Variants in TNRC6B observed in about 807,000 individuals in gnomAD.
TNRC6B encodes trinucleotide repeat-containing gene 6B protein.
Under a neutral mutation model 203.6 loss-of-function variants are expected in TNRC6B, and 52 were observed. The observed-to-expected ratio is 0.26, with a 90% CI of 0.20 to 0.32. TNRC6B has a LOEUF of 0.32. Ranked by LOEUF, TNRC6B falls within the 10% of genes least tolerant of loss-of-function variation. The probability of loss-of-function intolerance (pLI) is 1.00; values close to 1 mark genes in which losing one functional copy is unlikely to be tolerated. For synonymous variants in TNRC6B, 838 were observed against 845.7 expected, an observed-to-expected ratio of 0.99 and a Z score of 0.16; for missense variants, 1,923 against 2,286.2, an observed-to-expected ratio of 0.84 and a Z score of 3.24.
chr22:40,188,422 T>C (rs1205242061), intron 1 of TNRC6B, among the ~76,000 whole-genome samples: 1 of 152,206 alleles, frequency 6.6e-6, no homozygotes. Context: ...GTATGACTTC[T>C]TACATTTTTG....
At chr22:40,297,074 A>G (rs2070954262) in intron 12 of TNRC6B, among the ~76,000 whole-genome samples, 1 of 152,268 alleles carries the variant, frequency 6.6e-6, no homozygotes, top group African/African-American at 2.4e-5. Flanking sequence ...ATCAATAATC[A>G]TAGTTTGCTA....
chr22:40,126,615 G>T (rs2068496463), intron 3 of TNRC6B, among the ~76,000 whole-genome samples: 1 of 109,572 alleles, frequency 9.1e-6, no homozygotes, highest in African/African-American at 4.0e-5. Flanking sequence ...TTTTTAGACT[G>T]GGCCTGGCTC....
chr22:40,279,977 G>A lies in TNRC6B; in HGVS notation c.3263-18G>A, dbSNP rs762732348. On this transcript the variant is annotated intron_variant, in intron 9 of 22. Coordinates refer to ENST00000454349, the MANE Select transcript of TNRC6B (RefSeq NM_001162501.2). ...CATTGATTCTGGAAATTTTCACTCT[G>A]TGTATGCTACTTTTCAGGAAGCCTT... 1.2e-6 allele frequency: 2 copies of A among 1,613,372 alleles called. No individual in the cohort carries two copies. The highest frequency in any genetic ancestry group is 1.3e-5 in the African/African-American group (1 of 74,852).
chr22:40,321,678 G>C (rs926139791), intron 22 of TNRC6B: 15 of 160,450 alleles, frequency 9.3e-5, no homozygotes, highest in Admixed American at 6.0e-5. Context: ...CCCAGCTACT[G>C]GGAAGGTTGA....
chr22:40,103,517 G>A (rs571172688), intron 1 of TNRC6B, among the ~76,000 whole-genome samples: 1 of 152,086 alleles, frequency 6.6e-6, no homozygotes, highest in Non-Finnish European at 1.5e-5. Flanking sequence ...CATTTTTATT[G>A]GTGAGTAGTT....
chr22:40,056,115 T>C (rs9623117), intron 1 of TNRC6B, among the ~76,000 whole-genome samples: 55,958 of 152,086 alleles, frequency 0.37, 15,089 homozygotes, highest in African/African-American at 0.77. Flanking sequence ...TTAAGTAGTG[T>C]CTCCTTTCCC....
At chr22:40,238,873 G>A (rs903499536) in intron 1 of TNRC6B, among the ~76,000 whole-genome samples, 7 of 152,192 alleles carry the variant, frequency 4.6e-5, no homozygotes, top group South Asian at 2.1e-4. Context: ...GCCAAAGCTC[G>A]GTTTTGTTTC....
chr22:40,311,517 G>C (rs1280405414), intron 17 of TNRC6B, among the ~76,000 whole-genome samples: 1 of 151,672 alleles, frequency 6.6e-6, no homozygotes, highest in African/African-American at 2.4e-5. Flanking sequence ...ACATGAATAT[G>C]TATAGTTTCG....
At chr22:40,241,273 C>G (rs963646762) in intron 1 of TNRC6B, among the ~76,000 whole-genome samples, 1 of 152,126 alleles carries the variant, frequency 6.6e-6, no homozygotes, top group Non-Finnish European at 1.5e-5. Context: ...TAGTCTGTTT[C>G]TAACAAAAAG....
chr22:40,237,097 G>T (rs1022380100), intron 1 of TNRC6B, among the ~76,000 whole-genome samples: 1 of 152,108 alleles, frequency 6.6e-6, no homozygotes, highest in African/African-American at 2.4e-5. Flanking sequence ...CCTGGGAGGC[G>T]GAGGCTGCAG....
chr22:40,136,371 TTGTG>T (rs56246561), intron 3 of TNRC6B, among the ~76,000 whole-genome samples: 189 of 141,164 alleles, frequency 1.3e-3, no homozygotes, highest in African/African-American at 3.8e-3. Context: ...TATGTTTATC[TTGTG>T]TGTGTGTGTG....
intron 4 of TNRC6B, among the ~76,000 whole-genome samples, chr22:40,169,332 A>G (rs1354222010): frequency 6.6e-6 from 1 of 151,794 alleles, no homozygotes; most frequent in Non-Finnish European, 1.5e-5. Context: ...GGGTTTCACC[A>G]TGTTGACCAG....
At chr22:40,302,665 A>C (rs1047672345) in intron 15 of TNRC6B, among the ~76,000 whole-genome samples, 19 of 151,468 alleles carry the variant, frequency 1.3e-4, no homozygotes, top group Non-Finnish European at 4.4e-5. Context: ...TTGGGAAGAC[A>C]TGAAATTGCT....
At chr22:40,138,783 C>T (rs540705007) in intron 3 of TNRC6B, among the ~76,000 whole-genome samples, 42 of 152,108 alleles carry the variant, frequency 2.8e-4, no homozygotes, top group Middle Eastern at 3.4e-3. Context: ...CTGTGTCCAA[C>T]CTGAGCATGG....
chr22:40,127,463 T>TCACACA (rs762540572), intron 3 of TNRC6B, among the ~76,000 whole-genome samples: 1 of 150,602 alleles, frequency 6.6e-6, no homozygotes. Context: ...GGAATCTCCC[T>TCACACA]CACACACACA....
chr22:40,241,628 C>T (rs908803051), intron 1 of TNRC6B, among the ~76,000 whole-genome samples: 1 of 152,206 alleles, frequency 6.6e-6, no homozygotes, highest in Non-Finnish European at 1.5e-5. Flanking sequence ...TGTCATGTAA[C>T]TCACAGTTTG....
intron 1 of TNRC6B, among the ~76,000 whole-genome samples, chr22:40,059,180 T>G (rs535561206): frequency 4.6e-5 from 7 of 152,346 alleles, no homozygotes; most frequent in Non-Finnish European, 7.4e-5. Flanking sequence ...ATTTTCTCCC[T>G]GCTTCTGGCT....
chr22:40,193,933 A>G (rs1344877898), intron 1 of TNRC6B, among the ~76,000 whole-genome samples: 2 of 152,002 alleles, frequency 1.3e-5, no homozygotes, highest in African/African-American at 4.8e-5. Context: ...GATGCGTTAT[A>G]TGTAATTGCA....
At chr22:40,116,704 C>T (rs913956022) in intron 1 of TNRC6B, among the ~76,000 whole-genome samples, 1 of 152,086 alleles carries the variant, frequency 6.6e-6, no homozygotes, top group Non-Finnish European at 1.5e-5. Context: ...AAATTCATGA[C>T]GGATGTCAGG....
Sources: allele counts gnomAD v4.1 joint callset (sites outside exome capture counted in the v4.1 genomes callset), GRCh38; gene constraint gnomAD v4.1.1; transcripts MANE v1.5; gene names NCBI Gene and HGNC (gene_info 2026-07-23, HGNC 2026-07-21).